MMP16: variants seen among roughly 807,000 people sequenced by gnomAD.
MMP16 encodes the protein matrix metalloproteinase-16.
MMP16 carries 12 observed loss-of-function variants against 67.8 expected under a neutral mutation model. The ratio of observed to expected loss-of-function variants is 0.18; its 90% CI spans 0.11 to 0.29. The LOEUF (loss-of-function observed/expected upper bound fraction) is 0.29. Ranked by LOEUF, MMP16 falls within the 10% of genes least tolerant of loss-of-function variation. MMP16 has a pLI of 1.00. For missense variants in MMP16, 475 were observed against 765.7 expected (o/e 0.62, Z 4.48); for synonymous variants, 249 against 255.9 (o/e 0.97, Z 0.26).
chr8:88,124,648 A>G (rs1807895920), intron 4 of MMP16, among the ~76,000 whole-genome samples: 1 of 152,020 alleles, frequency 6.6e-6, no homozygotes, highest in Non-Finnish European at 1.5e-5. Flanking sequence ...CTGTAATAAC[A>G]GTATTTCTTT....
At chr8:88,293,052 C>A (rs28986489) in intron 1 of MMP16, among the ~76,000 whole-genome samples, 1 of 152,226 alleles carries the variant, frequency 6.6e-6, no homozygotes, top group African/African-American at 2.4e-5. Flanking sequence ...AGGCAATGAA[C>A]ACAGATGTGA....
At chr8:88,263,133 G>C (rs555924288) in intron 1 of MMP16, among the ~76,000 whole-genome samples, 1 of 151,950 alleles carries the variant, frequency 6.6e-6, no homozygotes, top group Non-Finnish European at 1.5e-5. Context: ...ATTTATGACA[G>C]AAAATCAATC....
intron 1 of MMP16, among the ~76,000 whole-genome samples, chr8:88,212,819 T>C (rs28904628): frequency 3.9e-5 from 6 of 152,088 alleles, no homozygotes; most frequent in African/African-American, 1.4e-4. Context: ...TACTGGTAAA[T>C]GAAAACACAC....
intron 1 of MMP16, among the ~76,000 whole-genome samples, chr8:88,259,153 G>A (rs1810349003): frequency 6.6e-6 from 1 of 152,138 alleles, no homozygotes; most frequent in Non-Finnish European, 1.5e-5. Context: ...TGTAACTCCA[G>A]AGGTAAGATT....
At chr8:88,229,973 T>G (rs973568794) in intron 1 of MMP16, among the ~76,000 whole-genome samples, 1 of 152,140 alleles carries the variant, frequency 6.6e-6, no homozygotes, top group East Asian at 1.9e-4. Context: ...TGTATAATAG[T>G]ACCCTAGCAA....
chr8:88,167,408 G>T (rs182656237), intron 4 of MMP16, among the ~76,000 whole-genome samples: 1 of 152,128 alleles, frequency 6.6e-6, no homozygotes, highest in East Asian at 1.9e-4. Context: ...ACATTGTGAA[G>T]AAGACAAAAC....
chr8:88,266,522 G>T (rs1181262823), intron 1 of MMP16, among the ~76,000 whole-genome samples: 3 of 152,104 alleles, frequency 2.0e-5, no homozygotes, highest in African/African-American at 7.2e-5. Flanking sequence ...TTAAGAGCCA[G>T]GTCTCTGGCA....
At chr8:88,056,871 A>T (rs1227931646) in intron 7 of MMP16, among the ~76,000 whole-genome samples, 1 of 152,166 alleles carries the variant, frequency 6.6e-6, no homozygotes, top group Admixed American at 6.6e-5. Context: ...GGAAAATTTT[A>T]ACCTTAACCA....
chr8:88,089,428 G>C (rs1017968882), intron 6 of MMP16, among the ~76,000 whole-genome samples: 1 of 151,926 alleles, frequency 6.6e-6, no homozygotes, highest in Non-Finnish European at 1.5e-5. Context: ...GGATGTTGTG[G>C]GGATGCATGC....
At chr8:88,148,585 A>C (rs1808335864) in intron 4 of MMP16, among the ~76,000 whole-genome samples, 1 of 152,110 alleles carries the variant, frequency 6.6e-6, no homozygotes, top group African/African-American at 2.4e-5. Flanking sequence ...CCTTGAACTA[A>C]GGTTTGGTCT....
chr8:88,197,205 C>T lies in MMP16; in HGVS notation c.234G>A (p.Gln78=), dbSNP rs951451063. ...TMQSALAAMQ[Q]FYGINMTGKV... is the part of the protein sequence containing the mutation. Reference sequence around the variant, plus strand: ...TTCCTGTCATGTTAATGCCATAGAACTGCTGCATGGCAGCTAGGGCAGACT... The same window carrying T: ...TTCCTGTCATGTTAATGCCATAGAATTGCTGCATGGCAGCTAGGGCAGACT... Residue 78 remains glutamine, a synonymous_variant, in exon 2 of 10, where the codon CAG becomes CAA. Transcript: ENST00000286614. 1.6e-5 allele frequency: 25 copies of T among 1,612,316 alleles called. No individual in the cohort carries two copies. The highest frequency in any genetic ancestry group is 1.9e-5 in the Non-Finnish European group (22 of 1,179,450).
chr8:88,115,240 T>A (rs1457580013), intron 6 of MMP16, among the ~76,000 whole-genome samples: 1 of 152,076 alleles, frequency 6.6e-6, no homozygotes, highest in East Asian at 1.9e-4. Context: ...GATTGCACTT[T>A]GAGTTCATTT....
chr8:88,246,592 T>G (rs548461573), intron 1 of MMP16, among the ~76,000 whole-genome samples: 2 of 152,292 alleles, frequency 1.3e-5, no homozygotes, highest in Non-Finnish European at 2.9e-5. Flanking sequence ...TTACCTTCAG[T>G]AGATAACTGA....
At chr8:88,090,853 A>G (rs1808921853) in intron 6 of MMP16, among the ~76,000 whole-genome samples, 1 of 151,872 alleles carries the variant, frequency 6.6e-6, no homozygotes, top group Admixed American at 6.6e-5. Flanking sequence ...ATGTATAGAA[A>G]AATAACACTG....
At chr8:88,149,479 G>C (rs1458172735) in intron 4 of MMP16, among the ~76,000 whole-genome samples, 4 of 152,176 alleles carry the variant, frequency 2.6e-5, no homozygotes, top group Admixed American at 6.5e-5. Flanking sequence ...GCTTTGAAGA[G>C]AGCAGTGGTT....
chr8:88,065,811 G>A (rs911875581), intron 7 of MMP16, among the ~76,000 whole-genome samples: 1 of 151,952 alleles, frequency 6.6e-6, no homozygotes, highest in African/African-American at 2.4e-5. Context: ...CTGTTTATGA[G>A]GACTCATTTG....
At chr8:88,161,623 A>G (rs530147452) in intron 4 of MMP16, among the ~76,000 whole-genome samples, 1 of 151,856 alleles carries the variant, frequency 6.6e-6, no homozygotes, top group African/African-American at 2.4e-5. Flanking sequence ...TTGCTTCTCT[A>G]GTTCTTTTAA....
At chr8:88,238,663 TAAAAAAAAAAA>T (rs34127125) in intron 1 of MMP16, among the ~76,000 whole-genome samples, 3 of 99,890 alleles carry the variant, frequency 3.0e-5, no homozygotes, top group Non-Finnish European at 3.9e-5. Context: ...AAGACTCTGT[TAAAAAAAAAAA>T]AAAAAAAAAA....
intron 1 of MMP16, among the ~76,000 whole-genome samples, chr8:88,207,451 T>C (rs1025119543): frequency 2.0e-5 from 3 of 152,186 alleles, no homozygotes; most frequent in African/African-American, 7.2e-5. Flanking sequence ...AAGTGATCTC[T>C]TGCAGTTCTC....
Sources: gnomAD v4.1 joint callset for allele counts (sites outside exome capture counted in the v4.1 genomes callset) on GRCh38, gnomAD v4.1.1 for gene constraint, MANE v1.5 for transcripts, NCBI Gene and HGNC (gene_info 2026-07-23, HGNC 2026-07-21) for gene names.